Variants in CCDC178 observed in about 807,000 individuals in gnomAD.
CCDC178 encodes the protein coiled-coil domain-containing protein 178.
In CCDC178, 126 loss-of-function variants were observed where a neutral mutation model predicts 117.4. The ratio of observed to expected loss-of-function variants is 1.07; its 90% CI spans 0.93 to 1.24. The LOEUF (loss-of-function observed/expected upper bound fraction) is 1.24. Ranked by LOEUF, CCDC178 falls within the 50% of genes most tolerant of loss-of-function variation. CCDC178 has a pLI of 0.00. For synonymous variants in CCDC178, 283 were observed against 313.4 expected, an observed-to-expected ratio of 0.90 and a Z score of 1.02; for missense variants, 1,030 against 986.9, an observed-to-expected ratio of 1.04 and a Z score of -0.59.
chr18:33,104,051 G>T (rs1233027307), intron 20 of CCDC178, among the ~76,000 whole-genome samples: 1 of 151,762 alleles, frequency 6.6e-6, no homozygotes, highest in Non-Finnish European at 1.5e-5. Context: ...TGGGCAATTT[G>T]ATAGAAACAA....
rs770638191 is a variant in CCDC178 at position 33,223,131 on chromosome 18, G to A, written c.1907C>T (p.Thr636Ile). The A allele has an allele frequency of 3.1e-6, 5 of 1,603,244 alleles. No individual in the cohort carries two copies. The African/African-American group carries it at 6.7e-5, about 22-fold the overall frequency. Residue 636 changes from threonine to isoleucine, a missense_variant, in exon 18 of 23, where the codon ACC (threonine) becomes ATC (isoleucine). By Grantham distance (89) the Thr-to-Ile change is moderately conservative. Coordinates refer to ENST00000383096, the MANE Select transcript of CCDC178 (RefSeq NM_001105528.4). ...CTCAGTTTCTATTAATGCATCAAGG[G>A]TTTTCTTCCCCTTTTTTCGTAATTT... is the stretch of plus-strand genomic sequence containing the variant. ...KKKLRKKGKK[T>I]LDALIETESK...
At chr18:32,987,814 T>C (rs1228770712) in intron 21 of CCDC178, among the ~76,000 whole-genome samples, 1 of 152,076 alleles carries the variant, frequency 6.6e-6, no homozygotes, top group South Asian at 2.1e-4. Flanking sequence ...AATAATACAT[T>C]TGGCTGGGTG....
intron 15 of CCDC178, among the ~76,000 whole-genome samples, chr18:33,227,585 C>T (rs2059322551): frequency 1.4e-5 from 2 of 147,094 alleles, no homozygotes; most frequent in Admixed American, 6.8e-5. Flanking sequence ...TATATACACA[C>T]ACACACACAC....
At position 33,362,535 on chromosome 18, in the gene CCDC178, TTAAA is replaced by T. The variant is rs1179408844; in HGVS notation, c.349-6193_349-6190del. 2.0e-5 allele frequency among the ~76,000 whole-genome samples: 3 copies of T among 152,008 alleles called. No homozygotes were observed. In the East Asian group the frequency reaches 5.8e-4, roughly 29 times the overall value. ...AATTGTATTATATTAGGGATTTTTGTTAAATAAGTAGGTATTTGTTGCTCTTGTC... is the reference window on the plus strand; with the variant it reads ...AATTGTATTATATTAGGGATTTTTGTTAAGTAGGTATTTGTTGCTCTTGTC... On this transcript the variant is annotated intron_variant, in intron 6 of 22. Transcript: ENST00000383096.
intron 22 of CCDC178, among the ~76,000 whole-genome samples, chr18:32,974,080 C>A (rs890103354): frequency 1.3e-5 from 2 of 152,072 alleles, no homozygotes; most frequent in African/African-American, 4.8e-5. Context: ...TCTCAAGTTG[C>A]TTATCTTTCA....
intron 12 of CCDC178, among the ~76,000 whole-genome samples, chr18:33,283,123 C>T (rs550183007): frequency 1.3e-5 from 2 of 152,224 alleles, no homozygotes; most frequent in Non-Finnish European, 2.9e-5. Context: ...ACCTCGGCAT[C>T]CCCCAGAGCA....
At chr18:33,178,029 C>T (rs771503078) in intron 20 of CCDC178, among the ~76,000 whole-genome samples, 10 of 151,952 alleles carry the variant, frequency 6.6e-5, no homozygotes, top group South Asian at 2.1e-4. Flanking sequence ...TTTTTTGATA[C>T]TTTAATAACA....
chr18:33,330,402 C>T (rs1241904026), intron 10 of CCDC178, among the ~76,000 whole-genome samples: 1 of 152,092 alleles, frequency 6.6e-6, no homozygotes, highest in East Asian at 1.9e-4. Flanking sequence ...GAGTTTATGG[C>T]TCACGCTACA....
At chr18:32,998,953 G>A (rs1014036760) in intron 21 of CCDC178, among the ~76,000 whole-genome samples, 8 of 152,034 alleles carry the variant, frequency 5.3e-5, no homozygotes, top group Non-Finnish European at 1.2e-4. Flanking sequence ...GAGAAAAGGA[G>A]AGGGAAGAGG....
chr18:33,307,891 G>A (rs2062279665), intron 11 of CCDC178, among the ~76,000 whole-genome samples: 2 of 152,222 alleles, frequency 1.3e-5, no homozygotes, highest in African/African-American at 2.4e-5. Context: ...CTGAGGTTTG[G>A]GAACCTTTGT....
At chr18:33,391,324 T>G (rs1431805798) in intron 4 of CCDC178, among the ~76,000 whole-genome samples, 3 of 151,956 alleles carry the variant, frequency 2.0e-5, no homozygotes, top group Non-Finnish European at 4.4e-5. Flanking sequence ...AAAAAAATCT[T>G]ATTTTTTAAC....
At chr18:32,951,956 C>A (rs968349699) in intron 22 of CCDC178, among the ~76,000 whole-genome samples, 1 of 152,202 alleles carries the variant, frequency 6.6e-6, no homozygotes, top group Non-Finnish European at 1.5e-5. Flanking sequence ...CTTAAAGTTT[C>A]AAAATTATCT....
intron 18 of CCDC178, among the ~76,000 whole-genome samples, chr18:33,220,505 A>G (rs978858185): frequency 1.3e-5 from 2 of 152,030 alleles, no homozygotes; most frequent in Non-Finnish European, 2.9e-5. Flanking sequence ...AGATTTTACT[A>G]TACATAGTAG....
intron 21 of CCDC178, among the ~76,000 whole-genome samples, chr18:33,084,932 C>G (rs534305907): frequency 6.6e-6 from 1 of 152,094 alleles, no homozygotes; most frequent in African/African-American, 2.4e-5. Context: ...CCGTATCATC[C>G]TCTGTCAGTT....
intron 20 of CCDC178, among the ~76,000 whole-genome samples, chr18:33,151,505 T>TCC (rs1175057805): frequency 6.7e-6 from 1 of 149,578 alleles, no homozygotes; most frequent in Non-Finnish European, 1.5e-5. Flanking sequence ...TAGTTAACAT[T>TCC]CTCAAAGAGA....
intron 21 of CCDC178, among the ~76,000 whole-genome samples, chr18:32,978,132 A>T (rs1241290777): frequency 6.6e-6 from 1 of 150,818 alleles, no homozygotes; most frequent in Non-Finnish European, 1.5e-5. Context: ...CCATATTCAC[A>T]TGTTAACTGA....
At chr18:33,106,590 C>A (rs2057708410) in intron 20 of CCDC178, among the ~76,000 whole-genome samples, 1 of 151,670 alleles carries the variant, frequency 6.6e-6, no homozygotes, top group Non-Finnish European at 1.5e-5. Context: ...TGGGATCAAG[C>A]TAACCCTTCA....
chr18:33,250,455 A>AAACC (rs2059608013), intron 14 of CCDC178, among the ~76,000 whole-genome samples: 1 of 151,638 alleles, frequency 6.6e-6, no homozygotes. Flanking sequence ...ACTGGGGACT[A>AAACC]AACCACTCAA....
intron 22 of CCDC178, among the ~76,000 whole-genome samples, chr18:32,954,990 T>A (rs1032009029): frequency 2.6e-5 from 4 of 152,148 alleles, no homozygotes; most frequent in Non-Finnish European, 5.9e-5. Context: ...TCCAGTGACA[T>A]TACATCATTT....
Sources: gnomAD v4.1 joint callset for allele counts (sites outside exome capture counted in the v4.1 genomes callset) on GRCh38, gnomAD v4.1.1 for gene constraint, MANE v1.5 for transcripts, NCBI Gene and HGNC (gene_info 2026-07-23, HGNC 2026-07-21) for gene names.